The following MTUS2 variants were observed in gnomAD, a reference collection of about 807,000 sequenced individuals.
MTUS2 encodes the protein microtubule-associated tumor suppressor candidate 2.
In MTUS2, 40 loss-of-function variants were observed where a neutral mutation model predicts 114.1. The observed-to-expected ratio is 0.35, with a 90% CI of 0.27 to 0.46. The LOEUF is 0.46. Among genes scored for constraint, MTUS2 ranks in the 20% least tolerant of loss-of-function variants. The pLI is 1.00. For synonymous variants in MTUS2, 688 were observed against 672.0 expected (o/e 1.02, Z -0.37); for missense variants, 1,679 against 1,705.4 (o/e 0.98, Z 0.27).
At chr13:29,045,604 A>G (rs1188631281) in intron 4 of MTUS2, among the ~76,000 whole-genome samples, 1 of 152,196 alleles carries the variant, frequency 6.6e-6, no homozygotes. Flanking sequence ...TTCAAGTCCT[A>G]AAGAATGGCA....
Position 29,165,701 on chromosome 13 carries a change from A to G in MTUS2, c.2644+64731A>G, listed in dbSNP as rs539293630. Among the ~76,000 whole-genome samples, 3 of 152,326 alleles carry G rather than the reference A, an allele frequency of 2.0e-5. No homozygotes were observed. In the East Asian group the frequency reaches 5.8e-4, roughly 29 times the overall value. On this transcript the variant is annotated intron_variant, in intron 5 of 15. Transcript: ENST00000612955. ...AGAAATCTTCTGTATTTATTTGGCT[A>G]TCATTACAGTTTCTGCTATTAATGC...
intron 5 of MTUS2, among the ~76,000 whole-genome samples, chr13:29,206,893 T>C (rs142379337): frequency 3.2e-3 from 484 of 152,318 alleles, no homozygotes; most frequent in African/African-American, 0.011. Context: ...CTATATGGAC[T>C]CTTTTTTGGT....
At chr13:29,269,339 A>C (rs1052142664) in intron 5 of MTUS2, among the ~76,000 whole-genome samples, 2 of 152,212 alleles carry the variant, frequency 1.3e-5, no homozygotes, top group Non-Finnish European at 2.9e-5. Flanking sequence ...GGGATTGAGA[A>C]TGTAAATCAG....
At chr13:29,425,029 G>C (rs1205598921) in intron 8 of MTUS2, among the ~76,000 whole-genome samples, 1 of 152,080 alleles carries the variant, frequency 6.6e-6, no homozygotes, top group Non-Finnish European at 1.5e-5. Flanking sequence ...TTGTTTTAAT[G>C]GCATTGTGGT....
chr13:29,142,822 G>T (rs1892280539), intron 5 of MTUS2, among the ~76,000 whole-genome samples: 1 of 152,206 alleles, frequency 6.6e-6, no homozygotes, highest in African/African-American at 2.4e-5. Context: ...TTTGAAAAAG[G>T]GTAGGGCAGT....
In MTUS2 at chr13:29,187,948, G is replaced by A. The variant is rs1376834788; in HGVS notation, c.2644+86978G>A. Among the ~76,000 whole-genome samples, 5 of 152,178 alleles carry A rather than the reference G, an allele frequency of 3.3e-5. No individual in the cohort carries two copies. The East Asian group carries it at 7.7e-4, about 23-fold the overall frequency. ...TTGTTTCAACAATGAAACAACCTGG[G>A]AAGTTCTTGACGGCAGATATCACTT... On this transcript the variant is annotated intron_variant, in intron 5 of 15. Transcript: ENST00000612955.
At chr13:29,365,501 TG>T in intron 8 of MTUS2, among the ~76,000 whole-genome samples, 1 of 134,516 alleles carries the variant, frequency 7.4e-6, no homozygotes, top group Non-Finnish European at 1.6e-5. Flanking sequence ...TACGTTTTTT[TG>T]TTTGGGTTTG....
intron 5 of MTUS2, among the ~76,000 whole-genome samples, chr13:29,111,010 C>T (rs1890862591): frequency 6.6e-6 from 1 of 152,126 alleles, no homozygotes. Context: ...AGATTTTTAT[C>T]ATAAAGTTCA....
At chr13:29,492,536 C>A in intron 11 of MTUS2, 110 bp from the exon 12 acceptor site, 2 of 755,370 alleles carry the variant, frequency 2.6e-6, no homozygotes, top group South Asian at 1.7e-5. Flanking sequence ...ATCTGCTATA[C>A]GGGAGTCATT....
At chr13:29,221,109 C>G (rs1895891363) in intron 5 of MTUS2, among the ~76,000 whole-genome samples, 1 of 152,034 alleles carries the variant, frequency 6.6e-6, no homozygotes, top group African/African-American at 2.4e-5. Context: ...GTCACCCACT[C>G]TATGTAGGAA....
rs981267775 is a variant in MTUS2, at chr13:29,504,509, C to T, written c.*1303C>T. The T allele has an allele frequency of 9.9e-5, 23 of 232,630 alleles. No individual in the cohort carries two copies. Among genetic ancestry groups the T allele is most frequent in the Admixed American group, 7.9e-4 (14 of 17,740 alleles). The allele number at this position is 232,630 out of a possible 1,614,324, so 14.4% of individuals were successfully genotyped here. A position where few individuals can be genotyped will look rare whatever the true frequency, so the allele number is the denominator to read the frequency against. On this transcript the variant is annotated 3_prime_UTR_variant, in exon 16 of 16. Transcript: ENST00000612955. ...GCTGGATGATCAGGCAACGCTGCTG[C>T]TGACCGTGCTCCCATCTTAGACCCA...
At position 28,946,255 on chromosome 13, in the gene MTUS2, A is replaced by G. The variant is rs1882519234; in HGVS notation, c.-242-78202A>G. Among the ~76,000 whole-genome samples, 4 of 144,946 alleles carry G rather than the reference A, an allele frequency of 2.8e-5. No homozygotes were observed. In the South Asian group the frequency reaches 9.1e-4, roughly 33 times the overall value. On this transcript the variant is annotated intron_variant, in intron 2 of 15. Transcript: ENST00000612955. ...CAATGGTGCTTTTACTTTTCCTGGT[A>G]TCTCTCTTTCTGTCTGCGTGTGTGT... is the stretch of plus-strand genomic sequence containing the variant.
chr13:29,197,374 T>A (rs1249754243), intron 5 of MTUS2, among the ~76,000 whole-genome samples: 4 of 152,174 alleles, frequency 2.6e-5, no homozygotes, highest in Non-Finnish European at 5.9e-5. Flanking sequence ...TCCAGCTTCA[T>A]CCATGTCCCT....
chr13:29,172,209 C>T (rs1281769944), intron 5 of MTUS2, among the ~76,000 whole-genome samples: 1 of 152,240 alleles, frequency 6.6e-6, no homozygotes, highest in Non-Finnish European at 1.5e-5. Context: ...GGACAGGTCT[C>T]TTCAGTTTAC....
At chr13:29,205,066 A>G (rs1007194401) in intron 5 of MTUS2, among the ~76,000 whole-genome samples, 1 of 152,204 alleles carries the variant, frequency 6.6e-6, no homozygotes, top group Admixed American at 6.5e-5. Context: ...GGTAGAAGAC[A>G]GAATTTCTGC....
At chr13:29,254,009 C>T (rs1246330018) in intron 5 of MTUS2, among the ~76,000 whole-genome samples, 1 of 152,108 alleles carries the variant, frequency 6.6e-6, no homozygotes, top group Non-Finnish European at 1.5e-5. Context: ...TGGGAGGGGA[C>T]ACAGCTAAAC....
chr13:29,265,295 G>A (rs1897627456), intron 5 of MTUS2, among the ~76,000 whole-genome samples: 1 of 152,136 alleles, frequency 6.6e-6, no homozygotes, highest in African/African-American at 2.4e-5. Context: ...TTCCATCTGG[G>A]AGTTTGTCAG....
intron 5 of MTUS2, among the ~76,000 whole-genome samples, chr13:29,241,427 T>C (rs1036190801): frequency 1.3e-5 from 2 of 152,200 alleles, no homozygotes; most frequent in Non-Finnish European, 2.9e-5. Flanking sequence ...TTTGCTTTGT[T>C]GGGACGGGGT....
At chr13:28,907,813 A>G (rs1236577995) in intron 2 of MTUS2, among the ~76,000 whole-genome samples, 1 of 151,540 alleles carries the variant, frequency 6.6e-6, no homozygotes, top group Non-Finnish European at 1.5e-5. Flanking sequence ...GGGAGACTTT[A>G]ACACCCCACT....
Sources: gnomAD v4.1 joint callset for allele counts (sites outside exome capture counted in the v4.1 genomes callset) on GRCh38, gnomAD v4.1.1 for gene constraint, MANE v1.5 for transcripts, NCBI Gene and HGNC (gene_info 2026-07-23, HGNC 2026-07-21) for gene names.